Variants in SLC12A1 observed in about 807,000 individuals in gnomAD.
The protein encoded by SLC12A1 is Na-K-2Cl cotransporter.
In SLC12A1, 89 loss-of-function variants were observed where a neutral mutation model predicts 130.4. That is an observed-to-expected ratio of 0.68 (90% CI 0.58 to 0.81). The LOEUF is 0.81. Among genes scored for constraint, SLC12A1 ranks in the 40% least tolerant of loss-of-function variants. The pLI is 0.00. For synonymous variants in SLC12A1, 499 were observed against 460.0 expected, an observed-to-expected ratio of 1.08 and a Z score of -1.09; for missense variants, 1,310 against 1,336.4, an observed-to-expected ratio of 0.98 and a Z score of 0.31.
At position 48,234,888 on chromosome 15, in the gene SLC12A1, GCA is replaced by G; in HGVS notation, c.1100_1101del (p.Ala367GlyfsTer11). ...AATTTATGTTGCAGCATCAATATTT[GCA>G]GAAAACTTTGGGCCACGCTTCACAA... The part of the protein sequence containing the change: ...GFFNYQASIF[A>X]ENFGPRFTKG... On this transcript the variant is annotated frameshift_variant, in exon 9 of 27. Transcript: ENST00000380993. LOFTEE classifies it high-confidence loss of function. 1 of 1,613,748 alleles carries G rather than the reference GCA, an allele frequency of 6.2e-7. No homozygotes were observed. The highest frequency in any genetic ancestry group is 8.5e-7 in the Non-Finnish European group (1 of 1,179,746).
intron 4 of SLC12A1, 147 bp from the exon 5 acceptor site, chr15:48,226,329 A>C (rs1331556489): frequency 3.5e-6 from 2 of 564,612 alleles, no homozygotes; most frequent in African/African-American, 4.0e-5. Flanking sequence ...TGCCAGGCAA[A>C]CCAGTTTCTC....
chr15:48,237,399 A>G (rs1162952893), intron 9 of SLC12A1: 1 of 154,204 alleles, frequency 6.5e-6, no homozygotes, highest in Non-Finnish European at 1.4e-5. Flanking sequence ...AAGAGAATAT[A>G]TTATTTCTGT....
At chr15:48,211,005 A>G (rs981694998) in intron 2 of SLC12A1, among the ~76,000 whole-genome samples, 1 of 152,222 alleles carries the variant, frequency 6.6e-6, no homozygotes, top group African/African-American at 2.4e-5. Flanking sequence ...ACTTCGACTT[A>G]AAGCATTTTT....
chr15:48,282,763 G>T (rs529781518), intron 20 of SLC12A1, among the ~76,000 whole-genome samples: 1 of 152,064 alleles, frequency 6.6e-6, no homozygotes, highest in Non-Finnish European at 1.5e-5. Context: ...GATTAACTTA[G>T]CCCATTACAC....
intron 17 of SLC12A1, among the ~76,000 whole-genome samples, chr15:48,266,598 A>G (rs1463415151): frequency 6.6e-6 from 1 of 152,110 alleles, no homozygotes; most frequent in Non-Finnish European, 1.5e-5. Flanking sequence ...CTGCTTCAAT[A>G]CCCACAAGGC....
At chr15:48,213,671 T>C (rs1033982569) in intron 2 of SLC12A1, among the ~76,000 whole-genome samples, 6 of 151,812 alleles carry the variant, frequency 4.0e-5, no homozygotes, top group African/African-American at 1.5e-4. Context: ...GCCCGGCTAA[T>C]TTTGTTTTGT....
At chr15:48,296,654 A>T (rs2042179845) in intron 24 of SLC12A1, among the ~76,000 whole-genome samples, 1 of 152,210 alleles carries the variant, frequency 6.6e-6, no homozygotes, top group South Asian at 2.1e-4. Flanking sequence ...ATTATGAGGA[A>T]CAAGGATGAG....
intron 16 of SLC12A1, 80 bp downstream of exon 16, chr15:48,255,990 G>C: frequency 1.2e-6 from 1 of 848,364 alleles, no homozygotes; most frequent in Non-Finnish European, 2.0e-6. Context: ...GGGCATTCAA[G>C]TAGTTATAAG....
At chr15:48,256,583 A>C (rs546855361) in intron 16 of SLC12A1, among the ~76,000 whole-genome samples, 2 of 152,334 alleles carry the variant, frequency 1.3e-5, no homozygotes, top group East Asian at 3.9e-4. Flanking sequence ...AAGGAGGAGC[A>C]AAGGCATGTC....
chr15:48,258,315 C>G (rs1328362623), intron 16 of SLC12A1, among the ~76,000 whole-genome samples: 1 of 65,644 alleles, frequency 1.5e-5, no homozygotes, highest in East Asian at 6.8e-4. Context: ...GAGCCGAGAT[C>G]CCGCCACTGC....
At position 48,208,116 on chromosome 15, in the gene SLC12A1, G is replaced by C; in HGVS notation, c.397G>C (p.Glu133Gln). The change falls in exon 2 of 27, where the codon GAG (glutamate) becomes CAG (glutamine). Residue 133 changes from glutamate to glutamine, a missense_variant. Physicochemically the swap from Glu to Gln is conservative, Grantham distance 29. Coordinates refer to ENST00000380993, the MANE Select transcript of SLC12A1 (RefSeq NM_000338.3). ...CAAGGTCAACCGACCCAGCCTGCTT[G>C]AGATTCACGAGCAACTCGCAAAGGT... ...GPKVNRPSLL[E>Q]IHEQLAKNVA... The C allele has an allele frequency of 6.3e-7, 1 of 1,591,336 alleles. No homozygotes were observed. Among genetic ancestry groups the C allele is most frequent in the South Asian group, 1.1e-5 (1 of 87,646 alleles).
intron 7 of SLC12A1, among the ~76,000 whole-genome samples, chr15:48,232,395 T>G (rs892319077): frequency 2.6e-5 from 4 of 152,172 alleles, no homozygotes; most frequent in African/African-American, 9.7e-5. Context: ...AAAACCCCCC[T>G]CAAGTTTATC....
Position 48,269,859 on chromosome 15 carries a change from A to C in SLC12A1, c.2402+95A>C. The C allele has an allele frequency of 6.5e-6, 4 of 617,080 alleles. No homozygotes were observed. The South Asian group carries it at 8.6e-5, about 13-fold the overall frequency. 38.2% of individuals were successfully genotyped at this position (617,080 alleles called of 1,614,324 possible). Reference sequence around the variant, plus strand: ...GCACATAACACTGTTGTGTCAGATTAAATTGCCTGAGAAGAGTACATTCCC... The same window carrying C: ...GCACATAACACTGTTGTGTCAGATTCAATTGCCTGAGAAGAGTACATTCCC... On this transcript the variant is annotated intron_variant, in intron 19 of 26. Coordinates refer to ENST00000380993, the MANE Select transcript of SLC12A1 (RefSeq NM_000338.3).
intron 10 of SLC12A1, among the ~76,000 whole-genome samples, chr15:48,243,683 G>C (rs2041544418): frequency 6.6e-6 from 1 of 152,064 alleles, no homozygotes; most frequent in African/African-American, 2.4e-5. Flanking sequence ...CAAACAAAAA[G>C]AGTCTATAAT....
At chr15:48,209,535 A>C (rs1394315683) in intron 2 of SLC12A1, among the ~76,000 whole-genome samples, 4 of 152,116 alleles carry the variant, frequency 2.6e-5, no homozygotes, top group African/African-American at 9.7e-5. Context: ...AAATGAGTTT[A>C]CTCTTGCCCA....
chr15:48,233,951 G>A (rs2041409220), intron 8 of SLC12A1, among the ~76,000 whole-genome samples: 1 of 151,714 alleles, frequency 6.6e-6, no homozygotes, highest in African/African-American at 2.4e-5. Context: ...ATAATTTGGT[G>A]GCAATGTGTG....
At chr15:48,250,043 T>C (rs2041629019) in intron 14 of SLC12A1, among the ~76,000 whole-genome samples, 1 of 152,186 alleles carries the variant, frequency 6.6e-6, no homozygotes, top group East Asian at 1.9e-4. Flanking sequence ...ATCAAATTTG[T>C]TTCCTGCCCA....
At position 48,226,869 on chromosome 15, in the gene SLC12A1, T is replaced by C. The variant is rs16960681; in HGVS notation, c.724+298T>C. The stretch of plus-strand genomic sequence containing the variant: ...CTGCACACCTCTAGCTGATGTTCCT[T>C]GGAAACTGATTCCAGATTTGGCTTC... On this transcript the variant is annotated intron_variant, in intron 5 of 26. Coordinates refer to ENST00000380993, the MANE Select transcript of SLC12A1 (RefSeq NM_000338.3). The C allele has an allele frequency of 8.8e-3, 5,217 of 595,754 alleles. 124 individuals carry two copies. Among genetic ancestry groups the C allele is most frequent in the African/African-American group, 0.053 (2,830 of 53,812 alleles). The allele number at this position is 595,754 out of a possible 1,614,324, so 36.9% of individuals were successfully genotyped here.
chr15:48,281,280 C>T (rs1406810138), intron 20 of SLC12A1, among the ~76,000 whole-genome samples: 3 of 152,136 alleles, frequency 2.0e-5, no homozygotes, highest in Non-Finnish European at 4.4e-5. Flanking sequence ...TGGCATTGTA[C>T]TTGGCATACA....
Sources: allele counts gnomAD v4.1 joint callset (sites outside exome capture counted in the v4.1 genomes callset), GRCh38; gene constraint gnomAD v4.1.1; transcripts MANE v1.5; gene names NCBI Gene and HGNC (gene_info 2026-07-23, HGNC 2026-07-21).